The following TRIM44 variants were observed in gnomAD, a reference collection of about 807,000 sequenced individuals.
TRIM44 encodes tripartite motif containing 44.
Under a neutral mutation model 37.4 loss-of-function variants are expected in TRIM44, and 13 were observed. The ratio of observed to expected loss-of-function variants is 0.35; its 90% CI spans 0.23 to 0.55. The LOEUF (loss-of-function observed/expected upper bound fraction) is 0.55, where lower values mean the gene tolerates loss of function less well. TRIM44 is among the 20% of genes least tolerant of loss of function. TRIM44 has a pLI of 0.89. For missense variants in TRIM44, 426 were observed against 437.2 expected (o/e 0.97, Z 0.23); for synonymous variants, 175 against 157.2 (o/e 1.11, Z -0.85).
intron 4 of TRIM44, among the ~76,000 whole-genome samples, chr11:35,804,600 C>T (rs559169088): frequency 3.3e-5 from 5 of 152,182 alleles, no homozygotes; most frequent in Non-Finnish European, 7.4e-5. Flanking sequence ...GATGTAATAC[C>T]AAAGGGGGAG....
chr11:35,681,356 G>GT (rs955732285), intron 1 of TRIM44, among the ~76,000 whole-genome samples: 3 of 152,138 alleles, frequency 2.0e-5, no homozygotes, highest in Non-Finnish European at 4.4e-5. Context: ...TTGTCCTTTG[G>GT]TTTTATTATG....
chr11:35,706,034 AAG>A (rs1851875152), intron 2 of TRIM44, among the ~76,000 whole-genome samples: 2 of 148,850 alleles, frequency 1.3e-5, no homozygotes, highest in South Asian at 2.1e-4. Flanking sequence ...TAAAGAAGAA[AAG>A]AGAGAAGAAT....
chr11:35,789,696 C>A lies in TRIM44; in HGVS notation c.1008-16662C>A, dbSNP rs144377316. On this transcript the variant is annotated intron_variant, in intron 4 of 4. Transcript: ENST00000299413. ...ACTGACAGTTGCCCCTCAGTTAAGCCGTCTTAGAGGGCGACCGGGCCTTAC... is the reference window on the plus strand; with the variant it reads ...ACTGACAGTTGCCCCTCAGTTAAGCAGTCTTAGAGGGCGACCGGGCCTTAC... 1.9e-3 allele frequency among the ~76,000 whole-genome samples: 293 copies of A among 152,250 alleles called. 2 individuals are homozygous for A. The highest frequency in any genetic ancestry group is 6.8e-3 in the African/African-American group (282 of 41,536).
chr11:35,771,196 T>C (rs916811649), intron 4 of TRIM44, among the ~76,000 whole-genome samples: 2 of 152,130 alleles, frequency 1.3e-5, no homozygotes, highest in African/African-American at 2.4e-5. Flanking sequence ...AAAATGCTGA[T>C]AGTGATATGA....
intron 2 of TRIM44, among the ~76,000 whole-genome samples, chr11:35,711,597 TA>T (rs924573098): frequency 2.2e-4 from 33 of 150,848 alleles, no homozygotes; most frequent in African/African-American, 8.0e-4. Flanking sequence ...TACTAAAAAT[TA>T]AAAAAAAATT....
chr11:35,749,304 C>A (rs181872210), intron 4 of TRIM44, among the ~76,000 whole-genome samples: 15 of 152,204 alleles, frequency 9.9e-5, no homozygotes, highest in Admixed American at 2.0e-4. Context: ...ACTCATTAAT[C>A]CTTCTTTCAA....
At chr11:35,789,499 C>A (rs1853173609) in intron 4 of TRIM44, among the ~76,000 whole-genome samples, 1 of 152,120 alleles carries the variant, frequency 6.6e-6, no homozygotes, top group African/African-American at 2.4e-5. Flanking sequence ...GATCCTCTTT[C>A]ACAAGTGAGG....
At chr11:35,778,919 T>C (rs867170989) in intron 4 of TRIM44, among the ~76,000 whole-genome samples, 1 of 152,224 alleles carries the variant, frequency 6.6e-6, no homozygotes, top group African/African-American at 2.4e-5. Flanking sequence ...GGAGGCAGTC[T>C]GTCCATTCTC....
intron 4 of TRIM44, among the ~76,000 whole-genome samples, chr11:35,771,052 A>T (rs1223500903): frequency 6.6e-6 from 1 of 152,184 alleles, no homozygotes; most frequent in African/African-American, 2.4e-5. Context: ...TGCTGAAAAG[A>T]TACCTGAAAA....
At chr11:35,700,917 C>T (rs1851779344) in intron 2 of TRIM44, among the ~76,000 whole-genome samples, 1 of 152,056 alleles carries the variant, frequency 6.6e-6, no homozygotes, top group Non-Finnish European at 1.5e-5. Flanking sequence ...TTCTTAAAGT[C>T]AATTAATTAG....
intron 2 of TRIM44, among the ~76,000 whole-genome samples, chr11:35,692,408 G>A (rs571192400): frequency 5.7e-4 from 87 of 152,244 alleles, no homozygotes; most frequent in African/African-American, 1.9e-3. Context: ...TATAGATTGA[G>A]TATCCCTTAT....
chr11:35,684,677 G>A (rs942241664), intron 1 of TRIM44, among the ~76,000 whole-genome samples: 1 of 152,104 alleles, frequency 6.6e-6, no homozygotes, highest in Admixed American at 6.6e-5. Flanking sequence ...AAACCTGTGA[G>A]TTTTATGGGT....
At chr11:35,765,606 G>A (rs1441818872) in intron 4 of TRIM44, among the ~76,000 whole-genome samples, 3 of 152,162 alleles carry the variant, frequency 2.0e-5, no homozygotes, top group Non-Finnish European at 2.9e-5. Flanking sequence ...TCCTTTGTCA[G>A]CATTGTGCTT....
At chr11:35,684,838 T>G (rs1325985549) in intron 1 of TRIM44, among the ~76,000 whole-genome samples, 2 of 152,368 alleles carry the variant, frequency 1.3e-5, no homozygotes, top group South Asian at 2.1e-4. Flanking sequence ...AATTTCAGAC[T>G]ATTTTCTTTG....
intron 3 of TRIM44, among the ~76,000 whole-genome samples, chr11:35,732,548 TTCTATTC>T (rs1852275438): frequency 6.6e-6 from 1 of 152,172 alleles, no homozygotes; most frequent in South Asian, 2.1e-4. Context: ...AAAACACAAG[TTCTATTC>T]TCAAGGAGTT....
intron 4 of TRIM44, among the ~76,000 whole-genome samples, chr11:35,767,110 C>T (rs757222237): frequency 4.6e-5 from 7 of 152,104 alleles, no homozygotes; most frequent in Non-Finnish European, 1.0e-4. Flanking sequence ...GAATGAAAGA[C>T]GTAATGGAAA....
chr11:35,692,951 T>A (rs1218069789), intron 2 of TRIM44, among the ~76,000 whole-genome samples: 1 of 151,878 alleles, frequency 6.6e-6, no homozygotes, highest in Admixed American at 6.6e-5. Flanking sequence ...AGAAAAACTT[T>A]AGCCGAATTA....
chr11:35,708,764 G>C (rs961733865), intron 2 of TRIM44, among the ~76,000 whole-genome samples: 1 of 151,982 alleles, frequency 6.6e-6, no homozygotes, highest in African/African-American at 2.4e-5. Context: ...ACTGTTGTGG[G>C]GTGTGGGGAG....
chr11:35,784,200 A>G (rs1313394415), intron 4 of TRIM44, among the ~76,000 whole-genome samples: 4 of 152,224 alleles, frequency 2.6e-5, no homozygotes, highest in African/African-American at 9.6e-5. Context: ...TATGTTTGAA[A>G]CAATATGTAG....
Sources: allele counts gnomAD v4.1 joint callset (sites outside exome capture counted in the v4.1 genomes callset), GRCh38; gene constraint gnomAD v4.1.1; transcripts MANE v1.5; gene names NCBI Gene and HGNC (gene_info 2026-07-23, HGNC 2026-07-21).